Variants in SLC19A1 observed in about 807,000 individuals in gnomAD.
SLC19A1 encodes the protein reduced folate transporter.
A neutral mutation model predicts 35.3 loss-of-function variants in SLC19A1; 37 were observed. The ratio of observed to expected loss-of-function variants is 1.05; its 90% CI spans 0.81 to 1.38. The LOEUF is 1.38. SLC19A1 is among the 40% of genes most tolerant of loss of function. The probability of loss-of-function intolerance (pLI) is 0.00; values close to 1 mark genes in which losing one functional copy is unlikely to be tolerated. For missense variants in SLC19A1, 831 were observed against 826.9 expected (o/e 1.00, Z -0.06); for synonymous variants, 460 against 398.5 (o/e 1.15, Z -1.84).
At chr21:45,557,264 G>A (rs1026893588) in intron 1 of SLC19A1, among the ~76,000 whole-genome samples, 1 of 152,224 alleles carries the variant, frequency 6.6e-6, no homozygotes, top group Non-Finnish European at 1.5e-5. Flanking sequence ...TCAGACAGCG[G>A]CCCGGGAGAT....
At position 45,540,301 on chromosome 21, in the gene SLC19A1, T is replaced by C. The variant is rs961613869; in HGVS notation, c.-50+2067A>G. On this transcript the variant is annotated intron_variant, in intron 1 of 5. Coordinates refer to ENST00000311124, the MANE Select transcript of SLC19A1 (RefSeq NM_194255.4). The surrounding 1 kb of genome is among the most constrained non-coding windows in gnomAD (Gnocchi z 5.5). ...TCCCCAGACAACCAGAGCAACCAGATCGCCGCAGACAACGGGGAGCCATCA... is the reference window on the plus strand; with the variant it reads ...TCCCCAGACAACCAGAGCAACCAGACCGCCGCAGACAACGGGGAGCCATCA... Among the ~76,000 whole-genome samples the C allele has an allele frequency of 3.9e-5, 6 of 152,066 alleles. No homozygotes were observed. The highest frequency in any genetic ancestry group is 3.9e-4 in the Admixed American group (6 of 15,270).
At position 45,534,414 on chromosome 21, in the gene SLC19A1, G is replaced by A; in HGVS notation, c.190-2266C>T. ...TGGGGGCATGACAGCCCCAGCCCCT[G>A]GCCGGGGCACAGGTTCTGCCCACAG... On this transcript the variant is annotated intron_variant, in intron 2 of 5. Transcript: ENST00000311124. The surrounding 1 kb of genome is among the most constrained non-coding windows in gnomAD (Gnocchi z 4.2). 1.3e-6 allele frequency: 1 copy of A among 775,900 alleles called. No homozygotes were observed. Among genetic ancestry groups the A allele is most frequent in the Non-Finnish European group, 2.1e-6 (1 of 483,962 alleles). 48.1% of individuals were successfully genotyped at this position (775,900 alleles called of 1,614,324 possible).
chr21:45,512,750 C>G lies in SLC19A1; in HGVS notation c.*2908G>C, dbSNP rs951896116. On this transcript the variant is annotated 3_prime_UTR_variant, in exon 6 of 6. Transcript: ENST00000311124. ...CCTGCTTTGGGAAGCCGTGCTCGCC[C>G]CAGCAGGTGCTGACTTCATCTCCCA... 8.7e-5 allele frequency: 33 copies of G among 379,482 alleles called. No individual in the cohort carries two copies. The highest frequency in any genetic ancestry group is 6.9e-4 in the African/African-American group (33 of 48,146). The allele number at this position is 379,482 out of a possible 1,614,324, so 23.5% of individuals were successfully genotyped here. A position where few individuals can be genotyped will look rare whatever the true frequency, so the allele number is the denominator to read the frequency against.
At chr21:45,506,789 GGAGCCCTCCCACCTTCCCTCTAGCACT>G (rs1568945942) in intron 3 of SLC19A1, 2 of 36,388 alleles carry the variant, frequency 5.5e-5, no homozygotes, top group African/African-American at 2.7e-4. Flanking sequence ...CCTTCCCTCT[GGAGCCCTCCCACCTTCCCTCTAGCACT>G]CCCTCCCTCT....
intron 3 of SLC19A1, chr21:45,507,001 C>T (rs1231090005): frequency 3.4e-6 from 1 of 289,928 alleles, no homozygotes; most frequent in Non-Finnish European, 6.9e-6. Flanking sequence ...CCCATCCTAA[C>T]TTTCAGGGGC....
intron 5 of SLC19A1, among the ~76,000 whole-genome samples, chr21:45,525,559 C>G (rs543735259): frequency 2.6e-5 from 4 of 152,252 alleles, no homozygotes; most frequent in Non-Finnish European, 5.9e-5. Flanking sequence ...ACAGCTCCGC[C>G]GTGGCGAGCA....
chr21:45,542,969 AGCCTGCTCTTGGGGACCGCACG>A (rs1239129795), upstream of SLC19A1, among the ~76,000 whole-genome samples: 1 of 151,994 alleles, frequency 6.6e-6, no homozygotes, highest in Non-Finnish European at 1.5e-5. Context: ...GGACACGCAC[AGCCTGCTCTTGGGGACCGCACG>A]GCCCCGAACT....
Position 45,504,397 on chromosome 21 carries a change from C to A in SLC19A1, c.498-5785G>T, listed in dbSNP as rs1162100900. The A allele has an allele frequency of 2.5e-6, 4 of 1,608,922 alleles. No individual in the cohort carries two copies. In the Admixed American group the frequency reaches 5.0e-5, roughly 20 times the overall value. Reference sequence around the variant, plus strand: ...GTAGGGGTTCAGGGCTCCCGTGTAACAAGTGTTTCCGTCCACAGGGGGAGA... The same window carrying A: ...GTAGGGGTTCAGGGCTCCCGTGTAAAAAGTGTTTCCGTCCACAGGGGGAGA... On this transcript the variant is annotated intron_variant, in intron 3 of 4. Transcript: ENST00000417954.
upstream of SLC19A1, among the ~76,000 whole-genome samples, chr21:45,545,204 A>G (rs6518250): frequency 0.88 from 133,445 of 152,214 alleles, 58,769 homozygotes; most frequent in East Asian, 0.98. Flanking sequence ...TGTCCCCTCC[A>G]AATCTCATGT....
intron 5 of SLC19A1, among the ~76,000 whole-genome samples, chr21:45,523,536 T>G (rs372808979): frequency 6.6e-6 from 1 of 152,148 alleles, no homozygotes; most frequent in Non-Finnish European, 1.5e-5. Context: ...CAAGCCCCCA[T>G]GGGCCCTTAG....
upstream of SLC19A1, among the ~76,000 whole-genome samples, chr21:45,546,424 C>T (rs2078416284): frequency 6.6e-6 from 1 of 152,240 alleles, no homozygotes; most frequent in East Asian, 1.9e-4. Context: ...ACCTGGTCCT[C>T]TGGGCATGGA....
intron 1 of SLC19A1, among the ~76,000 whole-genome samples, chr21:45,559,631 G>A (rs954572981): frequency 1.3e-5 from 2 of 152,174 alleles, no homozygotes; most frequent in Non-Finnish European, 2.9e-5. Context: ...CGGGGCGTGC[G>A]GATGGACCTC....
In SLC19A1 at chr21:45,504,416, G is replaced by A. The variant is rs767090801; in HGVS notation, c.498-5804C>T. On this transcript the variant is annotated intron_variant, in intron 3 of 4. Coordinates refer to the SLC19A1 transcript ENST00000417954. ...GTGTAACAAGTGTTTCCGTCCACAG[G>A]GGGAGAAGGGAGACCGAGGTGATGC... is the stretch of plus-strand genomic sequence containing the variant. 1.4e-5 allele frequency: 22 copies of A among 1,611,328 alleles called. No homozygotes were observed. The East Asian group carries it at 3.6e-4, about 26-fold the overall frequency.
Position 45,505,964 on chromosome 21 carries a change from C to T in SLC19A1, c.498-7352G>A. 1 of 1,613,098 alleles carries T rather than the reference C, an allele frequency of 6.2e-7. No individual in the cohort carries two copies. Among genetic ancestry groups the T allele is most frequent in the Non-Finnish European group, 8.5e-7 (1 of 1,179,940 alleles). ...CGTGCAGAACGGGTTCCGGAAGGTCCAGGTGAGCGCTCTGTGTGACGGGTT... is the reference window on the plus strand; with the variant it reads ...CGTGCAGAACGGGTTCCGGAAGGTCTAGGTGAGCGCTCTGTGTGACGGGTT... On this transcript the variant is annotated intron_variant, in intron 3 of 4. Coordinates refer to the SLC19A1 transcript ENST00000417954.
chr21:45,503,374 G>A (rs1283884647), intron 3 of SLC19A1, among the ~76,000 whole-genome samples: 1 of 151,942 alleles, frequency 6.6e-6, no homozygotes, highest in South Asian at 2.1e-4. Flanking sequence ...GTCTTCTTTT[G>A]AGAAGTGTCT....
intron 1 of SLC19A1, among the ~76,000 whole-genome samples, chr21:45,550,190 C>T (rs1367948814): frequency 6.6e-6 from 1 of 152,146 alleles, no homozygotes; most frequent in Non-Finnish European, 1.5e-5. Context: ...GTCTCTCCCA[C>T]ACCCCATGCA....
downstream of SLC19A1, among the ~76,000 whole-genome samples, chr21:45,511,696 A>G (rs147061624): frequency 6.9e-3 from 1,052 of 152,070 alleles, 18 homozygotes; most frequent in African/African-American, 0.024. Context: ...GATTCTTCCA[A>G]CACTCATGCA....
intron 1 of SLC19A1, among the ~76,000 whole-genome samples, chr21:45,560,261 C>T (rs1455068625): frequency 6.6e-5 from 10 of 152,254 alleles, no homozygotes; most frequent in Admixed American, 6.5e-5. Context: ...CACACAGGGA[C>T]GTGCCCACGG....
In SLC19A1 at chr21:45,531,714, G is replaced by C; in HGVS notation, c.624C>G (p.Arg208=). Residue 208 remains arginine (R), a synonymous_variant, in exon 3 of 6, where the codon CGC becomes CGG. Coordinates refer to ENST00000311124, the MANE Select transcript of SLC19A1 (RefSeq NM_194255.4). ...GGTCGTCGCGGTTGAAGAAGAGGCT[G>C]CGCTTGGGGCGCTTCAGGAAGAGGG... ...VLALFLKRPK[R]SLFFNRDDRG... 4 of 1,612,820 alleles carry C rather than the reference G, an allele frequency of 2.5e-6. No homozygotes were observed. Among genetic ancestry groups the C allele is most frequent in the Non-Finnish European group, 3.4e-6 (4 of 1,179,690 alleles).
Sources: allele counts gnomAD v4.1 joint callset (sites outside exome capture counted in the v4.1 genomes callset), GRCh38; gene constraint gnomAD v4.1.1; non-coding constraint Gnocchi (gnomAD v3.1); transcripts MANE v1.5; gene names NCBI Gene and HGNC (gene_info 2026-07-23, HGNC 2026-07-21).